Variants in CPNE5 observed in about 807,000 individuals in gnomAD.
CPNE5 encodes copine-5.
In CPNE5, 42 loss-of-function variants were observed where a neutral mutation model predicts 81.1. The observed-to-expected ratio is 0.52, with a 90% confidence interval of 0.40 to 0.67. CPNE5 has a LOEUF of 0.67. Among genes scored for constraint, CPNE5 ranks in the 30% least tolerant of loss-of-function variants. The probability of loss-of-function intolerance (pLI) is 0.00; values close to 1 mark genes in which losing one functional copy is unlikely to be tolerated. For synonymous variants in CPNE5, 313 were observed against 321.5 expected, an observed-to-expected ratio of 0.97 and a Z score of 0.28; for missense variants, 612 against 815.5, an observed-to-expected ratio of 0.75 and a Z score of 3.04.
Position 36,740,797 on chromosome 6 carries a change from C to A in CPNE5, c.*1471G>T, listed in dbSNP as rs1763545871. 6.6e-6 allele frequency: 1 copy of A among 152,612 alleles called. No homozygotes were observed. The highest frequency in any genetic ancestry group is 2.4e-5 in the African/African-American group (1 of 41,462). 9.5% of individuals were successfully genotyped at this position (152,612 alleles called of 1,614,324 possible). ...TGCTTTACTAAAAGAACCAAATTTA[C>A]TTCAGTTTAAGGCAAATTCCACACA... On this transcript the variant is annotated 3_prime_UTR_variant, in exon 21 of 21. Coordinates refer to ENST00000244751, the MANE Select transcript of CPNE5 (RefSeq NM_020939.2).
chr6:36,793,635 A>G (rs774926854), intron 7 of CPNE5, among the ~76,000 whole-genome samples: 4 of 149,954 alleles, frequency 2.7e-5, no homozygotes, highest in Non-Finnish European at 4.4e-5. Flanking sequence ...CTGTCTTTGT[A>G]TCTCTGTCTG....
At chr6:36,742,561 T>TGCCTGGGGGG in intron 20 of CPNE5, 75 bp from the exon 21 acceptor site, 1 of 1,550,422 alleles carries the variant, frequency 6.4e-7, no homozygotes. Context: ...GGCCTGGGGT[T>TGCCTGGGGGG]GCATCCCCAC....
intron 12 of CPNE5, among the ~76,000 whole-genome samples, chr6:36,760,345 C>G (rs533034408): frequency 6.6e-6 from 1 of 151,974 alleles, no homozygotes; most frequent in African/African-American, 2.4e-5. Context: ...GAGCATCTTT[C>G]AGTATCTCTT....
Position 36,756,225 on chromosome 6 carries a change from A to G in CPNE5, c.909+20T>C, listed in dbSNP as rs1765450113. On this transcript the variant is annotated intron_variant, in intron 13 of 20. Coordinates refer to ENST00000244751, the MANE Select transcript of CPNE5 (RefSeq NM_020939.2). ...TCAGAATGTCTACACCCGGCTGCAG[A>G]GACCGGGGTGGCTACTCACTGTGCC... 1 of 1,610,892 alleles carries G rather than the reference A, an allele frequency of 6.2e-7. No homozygotes were observed. The highest frequency in any genetic ancestry group is 8.5e-7 in the Non-Finnish European group (1 of 1,177,532).
rs116614272 is a variant in CPNE5, at chr6:36,754,872, G to A, written c.909+1373C>T. ...TCTCATAATGACTGGGGCTCTACTG[G>A]TAGCTATGGGCAGCAGCCAGGGGTG... On this transcript the variant is annotated intron_variant, in intron 13 of 20. Coordinates refer to ENST00000244751, the MANE Select transcript of CPNE5 (RefSeq NM_020939.2). 302 of 152,314 alleles carry A rather than the reference G, an allele frequency of 2.0e-3. 1 individual carries two copies. The highest frequency in any genetic ancestry group is 7.1e-3 in the African/African-American group (294 of 41,566). The allele number at this position is 152,314 out of a possible 1,614,324, so 9.4% of individuals were successfully genotyped here. A position where few individuals can be genotyped will look rare whatever the true frequency, so the allele number is the denominator to read the frequency against.
chr6:36,808,613 GGGTGTACCTCCCT>G (rs377226310), intron 3 of CPNE5, among the ~76,000 whole-genome samples: 88 of 152,250 alleles, frequency 5.8e-4, no homozygotes, highest in African/African-American at 2.1e-3. Flanking sequence ...CCCCCTGAGA[GGGTGTACCTCCCT>G]GTTGCTTAAA....
chr6:36,765,651 CCTT>C (rs1426777304), intron 10 of CPNE5, among the ~76,000 whole-genome samples: 1 of 152,246 alleles, frequency 6.6e-6, no homozygotes, highest in Non-Finnish European at 1.5e-5. Context: ...GTTCACCCCA[CCTT>C]CTTCTTGGCC....
rs1297187406 is a variant in CPNE5 at position 36,766,687 on chromosome 6, C to T, written c.738-1311G>A. On this transcript the variant is annotated intron_variant, in intron 10 of 20. Coordinates refer to ENST00000244751, the MANE Select transcript of CPNE5 (RefSeq NM_020939.2). This position sits in a 1 kb window ranked among gnomAD's most constrained non-coding sequence, Gnocchi z 4.2. ...CCTCACTATGGGACCTGAGATGTCA[C>T]TTAATCTCCCCGAGCCATAAGCCAC... is the stretch of plus-strand genomic sequence containing the variant. Among the ~76,000 whole-genome samples the T allele has an allele frequency of 6.6e-6, 1 of 152,060 alleles. No homozygotes were observed. The highest frequency in any genetic ancestry group is 1.5e-5 in the Non-Finnish European group (1 of 68,016).
chr6:36,798,303 C>G (rs1769777231), intron 5 of CPNE5, 62 bp from the exon 6 acceptor site: 7 of 1,537,100 alleles, frequency 4.6e-6, no homozygotes, highest in Non-Finnish European at 6.3e-6. Flanking sequence ...TATCCCACCT[C>G]CCCCATCGCC....
chr6:36,745,634 G>T (rs1764071151), intron 16 of CPNE5, 119 bp from the exon 17 acceptor site: 1 of 1,169,154 alleles, frequency 8.6e-7, no homozygotes, highest in Non-Finnish European at 1.2e-6. Context: ...GTCTTCTCTG[G>T]TGTGGGGTGG....
intron 1 of CPNE5, chr6:36,827,380 G>A: frequency 1.0e-6 from 1 of 985,342 alleles, no homozygotes; most frequent in Non-Finnish European, 1.2e-6. Flanking sequence ...TCGCACTTCT[G>A]GGGCTCACCC....
intron 2 of CPNE5, among the ~76,000 whole-genome samples, chr6:36,822,738 C>T (rs889186188): frequency 1.3e-5 from 2 of 152,166 alleles, no homozygotes. Context: ...GACTCCAAAA[C>T]CAGTGCTCAT....
chr6:36,833,903 A>G (rs1773180862), intron 1 of CPNE5, among the ~76,000 whole-genome samples: 1 of 152,058 alleles, frequency 6.6e-6, no homozygotes, highest in East Asian at 1.9e-4. Context: ...GAACTAATAT[A>G]ATAACCTTAG....
intron 20 of CPNE5, chr6:36,742,720 T>C (rs1763678939): frequency 1.0e-6 from 1 of 985,264 alleles, no homozygotes; most frequent in East Asian, 1.1e-4. Context: ...AACTGAGCCC[T>C]ATTCCACACC....
At chr6:36,822,435 G>A (rs1273079893) in intron 2 of CPNE5, among the ~76,000 whole-genome samples, 2 of 152,142 alleles carry the variant, frequency 1.3e-5, no homozygotes, top group East Asian at 1.9e-4. Context: ...AGGGAGACTA[G>A]GTGTGCCTGG....
intron 12 of CPNE5, 128 bp from the exon 13 acceptor site, chr6:36,756,426 G>A (rs776846177): frequency 2.5e-5 from 18 of 706,498 alleles, no homozygotes; most frequent in African/African-American, 1.2e-4. Context: ...TGAAGACCAC[G>A]GGGCCAGGGG....
chr6:36,802,384 A>T (rs908417384), intron 3 of CPNE5, among the ~76,000 whole-genome samples: 6 of 152,088 alleles, frequency 3.9e-5, no homozygotes, highest in Non-Finnish European at 7.4e-5. Flanking sequence ...TGAGCCCAGG[A>T]GGGTGATACT....
intron 8 of CPNE5, among the ~76,000 whole-genome samples, chr6:36,781,825 G>A (rs1562130919): frequency 2.0e-5 from 3 of 152,200 alleles, no homozygotes; most frequent in East Asian, 1.9e-4. Context: ...CAGGCCACAC[G>A]CCTCTGCAGC....
rs901630218 is a variant in CPNE5, at chr6:36,746,332, C to T, written c.1200+64G>A. On this transcript the variant is annotated intron_variant, in intron 16 of 20. Coordinates refer to ENST00000244751, the MANE Select transcript of CPNE5 (RefSeq NM_020939.2). This position sits in a 1 kb window ranked among gnomAD's most constrained non-coding sequence, Gnocchi z 4.5. ...TCAGAGGAAGGGAAACGTCCCCCCA[C>T]CCCCAGCTTGTCACCTCACCCCCAG... 2 of 1,368,272 alleles carry T rather than the reference C, an allele frequency of 1.5e-6. No individual in the cohort carries two copies. The highest frequency in any genetic ancestry group is 2.0e-6 in the Non-Finnish European group (2 of 1,021,034). 84.8% of individuals were successfully genotyped at this position (1,368,272 alleles called of 1,614,324 possible).
Sources: allele counts gnomAD v4.1 joint callset (sites outside exome capture counted in the v4.1 genomes callset), GRCh38; gene constraint gnomAD v4.1.1; non-coding constraint Gnocchi (gnomAD v3.1); transcripts MANE v1.5; gene names NCBI Gene and HGNC (gene_info 2026-07-23, HGNC 2026-07-21).